Variants in WDR41 observed in about 807,000 individuals in gnomAD.
The protein encoded by WDR41 is WD repeat-containing protein 41.
In WDR41, 63 loss-of-function variants were observed where a neutral mutation model predicts 69.3. The ratio of observed to expected loss-of-function variants is 0.91; its 90% CI spans 0.74 to 1.12. WDR41 has a LOEUF of 1.12. Ranked by LOEUF, WDR41 falls within the 50% of genes most tolerant of loss-of-function variation. The pLI is 0.00. For missense variants in WDR41, 543 were observed against 534.5 expected (o/e 1.02, Z -0.16); for synonymous variants, 185 against 192.1 (o/e 0.96, Z 0.31).
At chr5:77,473,655 A>C (rs1231889417) in intron 2 of WDR41, among the ~76,000 whole-genome samples, 1 of 152,248 alleles carries the variant, frequency 6.6e-6, no homozygotes, top group Non-Finnish European at 1.5e-5. Flanking sequence ...GACACTTCTC[A>C]AAAGAAGATA....
At chr5:77,503,178 G>A (rs1802046259) in intron 1 of WDR41, among the ~76,000 whole-genome samples, 1 of 82,616 alleles carries the variant, frequency 1.2e-5, no homozygotes, top group African/African-American at 6.1e-5. Context: ...GATCTACCAA[G>A]CAAATGGAAA....
At chr5:77,606,906 A>G (rs947838578) in intron 1 of WDR41, among the ~76,000 whole-genome samples, 4 of 117,604 alleles carry the variant, frequency 3.4e-5, no homozygotes, top group African/African-American at 8.6e-5. Context: ...AATGAAAAAG[A>G]AAAAAAAAAA....
chr5:77,610,957 G>A (rs1744536247), intron 1 of WDR41, among the ~76,000 whole-genome samples: 3 of 152,168 alleles, frequency 2.0e-5, no homozygotes, highest in South Asian at 4.1e-4. Context: ...AAGGATGGAG[G>A]AAGATCTACC....
intron 12 of WDR41, 44 bp from the exon 13 acceptor site, chr5:77,433,331 G>C (rs1293898906): frequency 6.3e-7 from 1 of 1,585,330 alleles, no homozygotes; most frequent in African/African-American, 1.4e-5. Context: ...CCGAAAAGCA[G>C]AGAAGTGTCT....
At chr5:77,486,454 T>C (rs996536848) in intron 2 of WDR41, among the ~76,000 whole-genome samples, 1 of 152,182 alleles carries the variant, frequency 6.6e-6, no homozygotes, top group Non-Finnish European at 1.5e-5. Flanking sequence ...CCATTAGCAA[T>C]AGGACTTAGT....
At chr5:77,480,944 A>G (rs116100480) in intron 2 of WDR41, among the ~76,000 whole-genome samples, 103 of 152,034 alleles carry the variant, frequency 6.8e-4, no homozygotes, top group African/African-American at 2.4e-3. Flanking sequence ...TACTAGAGAA[A>G]CATTCTTGGT....
chr5:77,559,088 C>A (rs10080019), intron 1 of WDR41, among the ~76,000 whole-genome samples: 36,067 of 152,050 alleles, frequency 0.24, 4,927 homozygotes, highest in Non-Finnish European at 0.31. Context: ...TTGAGTTGCT[C>A]TGTGTGTATT....
intron 2 of WDR41, among the ~76,000 whole-genome samples, chr5:77,482,485 A>T (rs1177409523): frequency 6.6e-6 from 1 of 151,956 alleles, no homozygotes; most frequent in East Asian, 1.9e-4. Context: ...TGAAAAAAAA[A>T]TTCACCTGTC....
At chr5:77,471,909 T>C (rs1337755593) in intron 2 of WDR41, among the ~76,000 whole-genome samples, 2 of 152,076 alleles carry the variant, frequency 1.3e-5, no homozygotes, top group Non-Finnish European at 2.9e-5. Context: ...AAAGAGGGAA[T>C]CCTCCTTAAC....
intron 1 of WDR41, chr5:77,545,719 C>T: frequency 1.9e-6 from 1 of 527,420 alleles, no homozygotes; most frequent in Non-Finnish European, 3.3e-6. Context: ...GAAGCAGACC[C>T]ACGCTGGCCA....
intron 1 of WDR41, among the ~76,000 whole-genome samples, chr5:77,564,636 C>T (rs1743586560): frequency 1.3e-5 from 2 of 152,032 alleles, no homozygotes; most frequent in South Asian, 4.1e-4. Flanking sequence ...CTATTCTTAA[C>T]ACTCATCTTT....
chr5:77,564,580 T>G (rs952283975), intron 1 of WDR41, among the ~76,000 whole-genome samples: 3 of 152,190 alleles, frequency 2.0e-5, no homozygotes, highest in Non-Finnish European at 4.4e-5. Context: ...CTTTCCTGGC[T>G]GAAATCCTTT....
At chr5:77,585,740 A>G (rs937346378) in intron 1 of WDR41, among the ~76,000 whole-genome samples, 1 of 152,172 alleles carries the variant, frequency 6.6e-6, no homozygotes, top group African/African-American at 2.4e-5. Context: ...ATCAAACATC[A>G]TATGTTCCCA....
At position 77,463,222 on chromosome 5, in the gene WDR41, CCT is replaced by C. The variant is rs563567508; in HGVS notation, c.219_220del (p.Glu75LysfsTer25). On this transcript the variant is annotated frameshift_variant and splice_region_variant, in exon 4 of 13. Transcript: ENST00000296679. LOFTEE classifies it high-confidence loss of function. ...TCCATTCAGTTCTAAAAGTTTTTCCCCTGTCTGAAATACCAATAAAAATGTTA... is the reference window on the plus strand; with the variant it reads ...TCCATTCAGTTCTAAAAGTTTTTCCCGTCTGAAATACCAATAAAAATGTTA... 72 of 1,604,896 alleles carry C rather than the reference CCT, an allele frequency of 4.5e-5. No homozygotes were observed. Among genetic ancestry groups the C allele is most frequent in the Admixed American group, 6.9e-5 (4 of 57,696 alleles).
Position 77,608,846 on chromosome 5 carries a change from C to T in WDR41, c.42+11633G>A, listed in dbSNP as rs560998236. 1.5e-4 allele frequency among the ~76,000 whole-genome samples: 23 copies of T among 152,304 alleles called. No homozygotes were observed. In the South Asian group the frequency reaches 2.3e-3, roughly 15 times the overall value. ...GCACCGTGCGCAAGCCGAAGCAGGG[C>T]GAGGCATTGCCTCACTCGGGAAGCA... On this transcript the variant is annotated intron_variant, in intron 1 of 5. Transcript: ENST00000509971.
chr5:77,575,707 T>C lies in WDR41; in HGVS notation c.42+44772A>G, dbSNP rs574525707. On this transcript the variant is annotated intron_variant, in intron 1 of 5. Transcript: ENST00000509971. ...ACAGGAAAAATGCTATCCTTTTTTTTCTGTGTGTCATGATGTAGAAAAACA... is the reference window on the plus strand; with the variant it reads ...ACAGGAAAAATGCTATCCTTTTTTTCCTGTGTGTCATGATGTAGAAAAACA... 1.5e-4 allele frequency among the ~76,000 whole-genome samples: 23 copies of C among 152,300 alleles called. No individual in the cohort carries two copies. In the East Asian group the frequency reaches 4.2e-3, roughly 28 times the overall value.
chr5:77,433,012 TAGAATTTTATGGACTGACAAAAAA>T lies in WDR41; in HGVS notation c.*99_*122del. On this transcript the variant is annotated 3_prime_UTR_variant, in exon 13 of 13. Transcript: ENST00000296679. The stretch of plus-strand genomic sequence containing the variant: ...TAGGTCCACAAAAAATTTAAACATG[TAGAATTTTATGGACTGACAAAAAA>T]AATTACCAATTTAAGTGATCAATAT... The T allele has an allele frequency of 8.6e-7, 1 of 1,157,446 alleles. No homozygotes were observed. Among genetic ancestry groups the T allele is most frequent in the Non-Finnish European group, 1.2e-6 (1 of 840,126 alleles). 71.7% of individuals were successfully genotyped at this position (1,157,446 alleles called of 1,614,324 possible).
At chr5:77,571,074 G>C (rs1285901527) in intron 1 of WDR41, among the ~76,000 whole-genome samples, 1 of 152,056 alleles carries the variant, frequency 6.6e-6, no homozygotes. Context: ...ACAGATGTCA[G>C]TCAGTTTCAT....
intron 1 of WDR41, among the ~76,000 whole-genome samples, chr5:77,613,672 G>A (rs900872059): frequency 1.3e-5 from 2 of 152,134 alleles, no homozygotes; most frequent in African/African-American, 4.8e-5. Flanking sequence ...TTATATGTTA[G>A]ACCTAAAACC....
Sources: gnomAD v4.1 joint callset for allele counts (sites outside exome capture counted in the v4.1 genomes callset) on GRCh38, gnomAD v4.1.1 for gene constraint, MANE v1.5 for transcripts, NCBI Gene and HGNC (gene_info 2026-07-23, HGNC 2026-07-21) for gene names.